The following ERC2 variants were observed in gnomAD, a reference collection of about 807,000 sequenced individuals.
The protein encoded by ERC2 is ELKS/RAB6-interacting/CAST family member 2.
Under a neutral mutation model 114.8 loss-of-function variants are expected in ERC2, and 42 were observed. The ratio of observed to expected loss-of-function variants is 0.37; its 90% CI spans 0.29 to 0.47. ERC2 has a LOEUF of 0.47. ERC2 is among the 20% of genes least tolerant of loss of function. ERC2 has a pLI of 0.99. For missense variants in ERC2, 939 were observed against 1,150.7 expected (o/e 0.82, Z 2.66); for synonymous variants, 454 against 425.5 (o/e 1.07, Z -0.82).
At chr3:55,969,227 T>C (rs576089594) in intron 12 of ERC2, among the ~76,000 whole-genome samples, 2 of 152,280 alleles carry the variant, frequency 1.3e-5, no homozygotes, top group African/African-American at 4.8e-5. Flanking sequence ...ACTTAATTCA[T>C]TTTTCCTTTA....
At chr3:56,458,884 G>A (rs558356504) in intron 1 of ERC2, among the ~76,000 whole-genome samples, 5 of 152,234 alleles carry the variant, frequency 3.3e-5, no homozygotes, top group South Asian at 2.1e-4. Context: ...CTCGGAACCC[G>A]CCCCTTGAAC....
chr3:55,635,674 A>T (rs1177139709), intron 17 of ERC2, among the ~76,000 whole-genome samples: 1 of 151,902 alleles, frequency 6.6e-6, no homozygotes, highest in African/African-American at 2.4e-5. Flanking sequence ...TACAGGTGTG[A>T]GCCACTGCGC....
At chr3:56,020,646 T>C (rs2073643600) in intron 7 of ERC2, among the ~76,000 whole-genome samples, 1 of 152,188 alleles carries the variant, frequency 6.6e-6, no homozygotes, top group Non-Finnish European at 1.5e-5. Context: ...AAACAGTGTA[T>C]GTTATTACTT....
At chr3:56,203,157 G>A (rs1309776301) in intron 3 of ERC2, among the ~76,000 whole-genome samples, 1 of 152,168 alleles carries the variant, frequency 6.6e-6, no homozygotes, top group Non-Finnish European at 1.5e-5. Flanking sequence ...AAACCTCTTA[G>A]GGAAACATTT....
At chr3:56,467,717 G>A (rs2063611660) in intron 1 of ERC2, among the ~76,000 whole-genome samples, 1 of 151,826 alleles carries the variant, frequency 6.6e-6, no homozygotes, top group South Asian at 2.1e-4. Flanking sequence ...CATTTTCCCT[G>A]ACACGGGTTT....
At chr3:55,978,211 G>A (rs765778686) in intron 12 of ERC2, among the ~76,000 whole-genome samples, 3 of 152,128 alleles carry the variant, frequency 2.0e-5, no homozygotes, top group Non-Finnish European at 2.9e-5. Flanking sequence ...ATACAGAAAG[G>A]CAGTAGCTGA....
At chr3:56,046,908 C>T (rs2075494855) in intron 7 of ERC2, among the ~76,000 whole-genome samples, 1 of 152,162 alleles carries the variant, frequency 6.6e-6, no homozygotes, top group Admixed American at 6.5e-5. Flanking sequence ...GATTACAGCA[C>T]ATGCAGAATT....
chr3:56,014,949 A>G (rs1005145359), intron 8 of ERC2, among the ~76,000 whole-genome samples: 2 of 152,174 alleles, frequency 1.3e-5, no homozygotes, highest in African/African-American at 4.8e-5. Flanking sequence ...CTCCCCAAAA[A>G]GTCATCTTAT....
intron 10 of ERC2, chr3:56,003,070 T>C: frequency 7.8e-7 from 1 of 1,287,330 alleles, no homozygotes; most frequent in Non-Finnish European, 1.0e-6. Context: ...TTTGATATGT[T>C]ACAGCGGGAA....
At chr3:56,103,550 A>G (rs2078474885) in intron 6 of ERC2, among the ~76,000 whole-genome samples, 1 of 152,082 alleles carries the variant, frequency 6.6e-6, no homozygotes. Flanking sequence ...AACCAGGACA[A>G]TCTTGACGCC....
chr3:55,989,034 T>C (rs957624569), intron 11 of ERC2, among the ~76,000 whole-genome samples: 1 of 152,158 alleles, frequency 6.6e-6, no homozygotes, highest in Non-Finnish European at 1.5e-5. Flanking sequence ...CCCACCTCCT[T>C]AGGGGCCTGG....
At chr3:56,074,803 T>C (rs1234352566) in intron 7 of ERC2, among the ~76,000 whole-genome samples, 2 of 152,062 alleles carry the variant, frequency 1.3e-5, no homozygotes, top group Non-Finnish European at 1.5e-5. Flanking sequence ...GGAACAAGAG[T>C]GGGCTTGACA....
chr3:56,263,966 T>A (rs182668237), intron 3 of ERC2, among the ~76,000 whole-genome samples: 1 of 152,256 alleles, frequency 6.6e-6, no homozygotes, highest in East Asian at 1.9e-4. Flanking sequence ...GTGACCACAA[T>A]GTATATCCCT....
chr3:55,515,254 C>T (rs1053230930), intron 17 of ERC2, among the ~76,000 whole-genome samples: 3 of 152,184 alleles, frequency 2.0e-5, no homozygotes, highest in African/African-American at 7.2e-5. Flanking sequence ...ATAGCTTCAT[C>T]TCATTTTTGC....
intron 7 of ERC2, among the ~76,000 whole-genome samples, chr3:56,032,977 G>GAGAA (rs1553782152): frequency 0.017 from 777 of 45,268 alleles, 21 homozygotes; most frequent in African/African-American, 0.035. Context: ...AAGAAAGAAA[G>GAGAA]AGAAAGAAAG....
chr3:55,740,682 G>A (rs2065919226), intron 14 of ERC2, among the ~76,000 whole-genome samples: 1 of 152,186 alleles, frequency 6.6e-6, no homozygotes, highest in African/African-American at 2.4e-5. Flanking sequence ...TATTTGTATA[G>A]ATTTGGCAGG....
At chr3:55,696,689 T>C (rs1403909338) in intron 16 of ERC2, among the ~76,000 whole-genome samples, 1 of 152,196 alleles carries the variant, frequency 6.6e-6, no homozygotes, top group Non-Finnish European at 1.5e-5. Flanking sequence ...CTTAGATTTA[T>C]AACAGTACAT....
At chr3:55,659,158 AC>A (rs2148703513) in intron 17 of ERC2, 1 of 152,346 alleles carries the variant, frequency 6.6e-6, no homozygotes, top group Non-Finnish European at 1.5e-5. Flanking sequence ...AAAAGGCGTT[AC>A]CTGCTCTGAA....
intron 17 of ERC2, among the ~76,000 whole-genome samples, chr3:55,669,482 C>T (rs114108725): frequency 6.6e-6 from 1 of 152,186 alleles, no homozygotes; most frequent in Non-Finnish European, 1.5e-5. Flanking sequence ...TAAGAGAGTA[C>T]AAAGATCTAG....
Sources: gnomAD v4.1 joint callset for allele counts (sites outside exome capture counted in the v4.1 genomes callset) on GRCh38, gnomAD v4.1.1 for gene constraint, MANE v1.5 for transcripts, NCBI Gene and HGNC (gene_info 2026-07-23, HGNC 2026-07-21) for gene names.